Variants in KIAA0040 observed in about 807,000 individuals in gnomAD.
KIAA0040 encodes the protein KIAA0040.
KIAA0040 carries 10 observed loss-of-function variants against 7.2 expected under a neutral mutation model. The ratio of observed to expected loss-of-function variants is 1.38; its 90% confidence interval spans 0.85 to 2.34. KIAA0040 has a LOEUF of 2.34. Ranked by LOEUF, KIAA0040 falls within the 30% of genes most tolerant of loss-of-function variation. The pLI is 0.00. For missense variants in KIAA0040, 89 were observed against 108.2 expected, an observed-to-expected ratio of 0.82 and a Z score of 0.79; for synonymous variants, 49 against 40.1, an observed-to-expected ratio of 1.22 and a Z score of -0.84.
chr1:175,162,626 T>C (rs926578664), intron 3 of KIAA0040, among the ~76,000 whole-genome samples: 6 of 152,230 alleles, frequency 3.9e-5, no homozygotes, highest in Admixed American at 2.0e-4. Context: ...TCAGGCTTCA[T>C]TGCATACATG....
intron 2 of KIAA0040, among the ~76,000 whole-genome samples, chr1:175,167,826 A>G (rs577033448): frequency 4.6e-5 from 7 of 152,054 alleles, no homozygotes; most frequent in African/African-American, 1.7e-4. Flanking sequence ...GGTGTGCCCA[A>G]CTTTCCTTCT....
intron 1 of KIAA0040, among the ~76,000 whole-genome samples, chr1:175,178,972 G>GA (rs1019043610): frequency 0.031 from 374 of 12,216 alleles, 5 homozygotes; most frequent in African/African-American, 0.068. Flanking sequence ...GGACGGGGCG[G>GA]GGGGGGGGAT....
intron 1 of KIAA0040, among the ~76,000 whole-genome samples, chr1:175,183,998 C>T (rs1349921201): frequency 6.6e-6 from 1 of 152,188 alleles, no homozygotes; most frequent in Non-Finnish European, 1.5e-5. Context: ...CGGGCAGCTT[C>T]TGCCATGTAA....
chr1:175,182,303 ACT>A (rs941376894), intron 1 of KIAA0040, among the ~76,000 whole-genome samples: 2 of 152,108 alleles, frequency 1.3e-5, no homozygotes, highest in African/African-American at 4.8e-5. Context: ...CCTCACCCCA[ACT>A]ACATTTTATC....
chr1:175,184,913 C>A (rs1206042636), intron 1 of KIAA0040, among the ~76,000 whole-genome samples: 1 of 152,148 alleles, frequency 6.6e-6, no homozygotes, highest in African/African-American at 2.4e-5. Flanking sequence ...GACTGCAATC[C>A]CCTGAGAAAC....
At chr1:175,179,272 G>A (rs921979113) in intron 1 of KIAA0040, among the ~76,000 whole-genome samples, 2 of 152,144 alleles carry the variant, frequency 1.3e-5, no homozygotes, top group African/African-American at 4.8e-5. Context: ...GGCCCTGAAA[G>A]TTGTGAGCAG....
chr1:175,179,135 C>A (rs566275233), intron 1 of KIAA0040, among the ~76,000 whole-genome samples: 2 of 151,786 alleles, frequency 1.3e-5, no homozygotes, highest in African/African-American at 4.8e-5. Flanking sequence ...GTACAGAGTT[C>A]GAGATGGGTA....
chr1:175,180,708 C>T (rs1032281877), intron 1 of KIAA0040, among the ~76,000 whole-genome samples: 2 of 152,142 alleles, frequency 1.3e-5, no homozygotes, highest in Non-Finnish European at 2.9e-5. Context: ...GCTCGACTTC[C>T]AAGGAACACC....
In KIAA0040 at chr1:175,159,174, C is replaced by T. The variant is rs2101869675; in HGVS notation, c.*1540G>A. 1 of 152,406 alleles carries T rather than the reference C, an allele frequency of 6.6e-6. No individual in the cohort carries two copies. Among genetic ancestry groups the T allele is most frequent in the East Asian group, 1.9e-4 (1 of 5,176 alleles). The allele number at this position is 152,406 out of a possible 1,614,324, so 9.4% of individuals were successfully genotyped here. On this transcript the variant is annotated 3_prime_UTR_variant, in exon 4 of 4. Coordinates refer to ENST00000423313, the MANE Select transcript of KIAA0040 (RefSeq NM_014656.3). ...GAATTGTCCATCTTTGTAATACAGT[C>T]ACAATACAATAAAAATACCAAGCAG...
chr1:175,174,699 G>A (rs938225252), intron 2 of KIAA0040, among the ~76,000 whole-genome samples: 5 of 152,004 alleles, frequency 3.3e-5, no homozygotes, highest in Non-Finnish European at 7.4e-5. Context: ...CCTATCCCCC[G>A]CCTTTCCCCT....
chr1:175,183,594 A>G (rs1677532005), intron 1 of KIAA0040, among the ~76,000 whole-genome samples: 1 of 152,202 alleles, frequency 6.6e-6, no homozygotes, highest in Admixed American at 6.5e-5. Flanking sequence ...TTGGGGTTGC[A>G]GCTCAAAGCA....
chr1:175,183,085 C>G (rs1250315687), intron 1 of KIAA0040, among the ~76,000 whole-genome samples: 1 of 152,170 alleles, frequency 6.6e-6, no homozygotes, highest in Non-Finnish European at 1.5e-5. Flanking sequence ...ATTTGTTAGC[C>G]CAGGGGCCAT....
At chr1:175,176,668 G>GTTTTTTT (rs1491339555) in intron 2 of KIAA0040, among the ~76,000 whole-genome samples, 3 of 19,390 alleles carry the variant, frequency 1.5e-4, no homozygotes, top group African/African-American at 1.0e-4. Flanking sequence ...TAAGTAGCAT[G>GTTTTTTT]CTTTTTTTTT....
upstream of KIAA0040, chr1:175,192,833 C>CCCGCCCCGCT (rs1316031038): frequency 1.3e-5 from 2 of 149,782 alleles, no homozygotes; most frequent in Non-Finnish European, 3.0e-5. Flanking sequence ...CCCGCCCCGC[C>CCCGCCCCGCT]CCGCCCCGCT....
intron 1 of KIAA0040, among the ~76,000 whole-genome samples, chr1:175,179,457 A>T (rs1002648423): frequency 3.3e-5 from 5 of 152,176 alleles, no homozygotes; most frequent in African/African-American, 4.8e-5. Context: ...TACCACAATT[A>T]AAAAAACTTT....
chr1:175,187,218 A>G (rs1677693628), intron 1 of KIAA0040, among the ~76,000 whole-genome samples: 1 of 152,206 alleles, frequency 6.6e-6, no homozygotes, highest in Admixed American at 6.5e-5. Context: ...TTAAATTCTT[A>G]GCACCACCAT....
At position 175,160,966 on chromosome 1, in the gene KIAA0040, C is replaced by A; in HGVS notation, c.48G>T (p.Leu16Phe). ...AFFSSIWDTI[L>F]TKHQEGIYNT... ...TGTAGATGCCTTCTTGGTGTTTGGT[C>A]AAGATGGTGTCCCAGATAGAGCTGA... is the stretch of plus-strand genomic sequence containing the variant. The change falls in exon 4 of 4, where the codon TTG becomes TTT. Residue 16 changes from leucine to phenylalanine, a missense_variant. Physicochemically the swap from Leu to Phe is conservative, Grantham distance 22. Coordinates refer to ENST00000423313, the MANE Select transcript of KIAA0040 (RefSeq NM_014656.3). The A allele has an allele frequency of 1.9e-6, 3 of 1,551,366 alleles. No homozygotes were observed. The South Asian group carries it at 3.6e-5, about 18-fold the overall frequency.
chr1:175,165,065 G>A (rs1220444040), intron 3 of KIAA0040, among the ~76,000 whole-genome samples: 8 of 152,192 alleles, frequency 5.3e-5, no homozygotes, highest in African/African-American at 1.4e-4. Flanking sequence ...ACAGAGAAGA[G>A]GGGAAAACTT....
intron 3 of KIAA0040, among the ~76,000 whole-genome samples, chr1:175,163,817 C>T (rs1235856621): frequency 1.3e-5 from 2 of 152,164 alleles, no homozygotes; most frequent in African/African-American, 4.8e-5. Flanking sequence ...TATGCTGTTC[C>T]TACAGGGAGC....
Sources: gnomAD v4.1 joint callset for allele counts (sites outside exome capture counted in the v4.1 genomes callset) on GRCh38, gnomAD v4.1.1 for gene constraint, MANE v1.5 for transcripts, NCBI Gene and HGNC (gene_info 2026-07-23, HGNC 2026-07-21) for gene names.